NBEAL1: variants seen among roughly 807,000 people sequenced by gnomAD.
The protein encoded by NBEAL1 is neurobeachin-like protein 1.
A neutral mutation model predicts 351.3 loss-of-function variants in NBEAL1; 273 were observed. The observed-to-expected ratio is 0.78, with a 90% CI of 0.70 to 0.86. The LOEUF (loss-of-function observed/expected upper bound fraction) is 0.86. Among genes scored for constraint, NBEAL1 ranks in the 40% least tolerant of loss-of-function variants. The pLI is 0.00. For synonymous variants in NBEAL1, 1,050 were observed against 1,086.4 expected (o/e 0.97, Z 0.66); for missense variants, 2,961 against 3,201.3 (o/e 0.92, Z 1.81).
rs1423596266 is a variant in NBEAL1, at chr2:203,097,586, G to A, written c.1138G>A (p.Glu380Lys). 9.1e-6 allele frequency: 9 copies of A among 985,546 alleles called. No individual in the cohort carries two copies. The highest frequency in any genetic ancestry group is 3.5e-5 in the African/African-American group (2 of 57,222). 61.1% of individuals were successfully genotyped at this position (985,546 alleles called of 1,614,324 possible). A position where few individuals can be genotyped will look rare whatever the true frequency, so the allele number is the denominator to read the frequency against. Residue 380 changes from glutamate (E) to lysine (K), a missense_variant, in exon 11 of 56, where the codon GAG (glutamate) becomes AAG (lysine). Physicochemically the swap from Glu to Lys is moderately conservative, Grantham distance 56. Transcript: ENST00000683969. Reference protein sequence around the residue: ...NANNKVADKNEKDLANKLLTE... With the variant: ...NANNKVADKNKKDLANKLLTE... ...TAACAATAAGGTGGCAGACAAGAAC[G>A]AGAAAGACCTTGCCAACAAATTACT...
chr2:203,154,077 C>T (rs1006633555), intron 35 of NBEAL1, among the ~76,000 whole-genome samples: 1 of 151,684 alleles, frequency 6.6e-6, no homozygotes, highest in Admixed American at 6.6e-5. Flanking sequence ...AACCCTGTCT[C>T]TACAAAAAAT....
chr2:203,140,992 T>A (rs12615537), intron 31 of NBEAL1, among the ~76,000 whole-genome samples: 137,779 of 151,980 alleles, frequency 0.91, 62,976 homozygotes, highest in Non-Finnish European at 0.96. Flanking sequence ...ATAAATAAAT[T>A]AATTAATTAA....
rs756287939 is a variant in NBEAL1, at chr2:203,112,035, C to CTA, written c.2143_2144dup (p.Tyr716SerfsTer18). 1 of 1,552,398 alleles carries CTA rather than the reference C, an allele frequency of 6.4e-7. No individual in the cohort carries two copies. Among genetic ancestry groups the CTA allele is most frequent in the South Asian group, 1.2e-5 (1 of 84,028 alleles). On this transcript the variant is annotated frameshift_variant, in exon 16 of 56. Coordinates refer to ENST00000683969, the MANE Select transcript of NBEAL1 (RefSeq NM_001378026.1). LOFTEE classifies it high-confidence loss of function. ...AAAGGCCTTTTGGTCAGAGCTTCGTCTATATCTATGACAATGGACAACAGA... is the reference window on the plus strand; with the variant it reads ...AAAGGCCTTTTGGTCAGAGCTTCGTCTATATATCTATGACAATGGACAACAGA...
At chr2:203,185,583 G>C (rs1302157123) in intron 44 of NBEAL1, among the ~76,000 whole-genome samples, 1 of 152,170 alleles carries the variant, frequency 6.6e-6, no homozygotes, top group Non-Finnish European at 1.5e-5. Context: ...CAGTGGGTTG[G>C]CTGGCCTCAA....
At chr2:203,107,008 G>A (rs947025623) in intron 12 of NBEAL1, among the ~76,000 whole-genome samples, 3 of 152,046 alleles carry the variant, frequency 2.0e-5, no homozygotes, top group African/African-American at 7.2e-5. Flanking sequence ...CTCTTTAATT[G>A]GGTCTTTTTA....
chr2:203,021,204 A>C lies in NBEAL1; in HGVS notation c.51+4769A>C, dbSNP rs572952965. Among the ~76,000 whole-genome samples, 77 of 149,528 alleles carry C rather than the reference A, an allele frequency of 5.1e-4. 1 individual carries two copies. Among genetic ancestry groups the C allele is most frequent in the South Asian group, 3.6e-3 (17 of 4,672 alleles). Reference sequence around the variant, plus strand: ...ACCATGTTGGCCGGGCTGGTCTTGAACTCCTGACCTCAGGCGATCCACCCT... The same window carrying C: ...ACCATGTTGGCCGGGCTGGTCTTGACCTCCTGACCTCAGGCGATCCACCCT... On this transcript the variant is annotated intron_variant, in intron 2 of 55. Transcript: ENST00000683969.
At chr2:203,167,991 A>G (rs1452019004) in intron 38 of NBEAL1, among the ~76,000 whole-genome samples, 1 of 152,198 alleles carries the variant, frequency 6.6e-6, no homozygotes, top group Non-Finnish European at 1.5e-5. Context: ...TGCTTTTCAG[A>G]AGACTCACAT....
chr2:203,102,398 G>T (rs1219173646), intron 12 of NBEAL1, among the ~76,000 whole-genome samples: 1 of 152,144 alleles, frequency 6.6e-6, no homozygotes, highest in African/African-American at 2.4e-5. Flanking sequence ...GGCTTTCAAG[G>T]GGAATGCTTC....
At chr2:203,121,453 G>C (rs922114225) in intron 18 of NBEAL1, among the ~76,000 whole-genome samples, 1 of 152,046 alleles carries the variant, frequency 6.6e-6, no homozygotes, top group Non-Finnish European at 1.5e-5. Flanking sequence ...AGGAGTTCGA[G>C]ACCAGCCTGG....
At position 203,042,920 on chromosome 2, in the gene NBEAL1, A is replaced by G. The variant is rs115404475; in HGVS notation, c.143+1064A>G. Among the ~76,000 whole-genome samples, 573 of 152,204 alleles carry G rather than the reference A, an allele frequency of 3.8e-3. 8 individuals carry two copies. The highest frequency in any genetic ancestry group is 0.013 in the African/African-American group (537 of 41,556). ...GTCTTTCTGATAGGAGCAGCCTTCT[A>G]TTGAAACTAAGGGCTTACCTTGAGT... On this transcript the variant is annotated intron_variant, in intron 3 of 55. Coordinates refer to ENST00000683969, the MANE Select transcript of NBEAL1 (RefSeq NM_001378026.1).
intron 55 of NBEAL1, among the ~76,000 whole-genome samples, chr2:203,214,171 A>G (rs1338628097): frequency 1.3e-5 from 2 of 152,220 alleles, no homozygotes; most frequent in African/African-American, 4.8e-5. Context: ...CATAAATCTA[A>G]CTCTCACTCT....
chr2:203,159,761 A>G (rs1214401461), intron 36 of NBEAL1, among the ~76,000 whole-genome samples: 1 of 152,126 alleles, frequency 6.6e-6, no homozygotes, highest in Admixed American at 6.6e-5. Context: ...TGAGGAGTAT[A>G]ATAGTTAGAT....
chr2:203,126,942 T>C lies in NBEAL1; in HGVS notation c.3248+16T>C. The C allele has an allele frequency of 6.8e-7, 1 of 1,478,942 alleles. No individual in the cohort carries two copies. Among genetic ancestry groups the C allele is most frequent in the Non-Finnish European group, 9.2e-7 (1 of 1,083,486 alleles). The allele number at this position is 1,478,942 out of a possible 1,614,324, so 91.6% of individuals were successfully genotyped here. A position where few individuals can be genotyped will look rare whatever the true frequency, so the allele number is the denominator to read the frequency against. On this transcript the variant is annotated intron_variant, in intron 23 of 55. Transcript: ENST00000683969. ...TTTATTATGGGTATGATGCCCTTGT[T>C]CTTTCTCAGTTTGATATATTATTTT...
chr2:203,217,366 AT>A lies in NBEAL1; in HGVS notation c.*16del. 1 of 1,560,684 alleles carries A rather than the reference AT, an allele frequency of 6.4e-7. No individual in the cohort carries two copies. Among genetic ancestry groups the A allele is most frequent in the Non-Finnish European group, 8.7e-7 (1 of 1,153,814 alleles). The stretch of plus-strand genomic sequence containing the variant: ...AAGATTCCAAGTGATTGTTATTTCC[AT>A]TTTCTGTTATGATTACTGAAACCTG... On this transcript the variant is annotated 3_prime_UTR_variant, in exon 56 of 56. Coordinates refer to ENST00000683969, the MANE Select transcript of NBEAL1 (RefSeq NM_001378026.1).
Position 203,108,126 on chromosome 2 carries a change from A to G in NBEAL1, c.1887A>G (p.Leu629=), listed in dbSNP as rs2062477273. 1 of 1,552,096 alleles carries G rather than the reference A, an allele frequency of 6.4e-7. No individual in the cohort carries two copies. ...SAFSFSAWFC[L]DQDQLTLGIA... ...TTTCTTTCAGTGCTTGGTTTTGCTTAGACCAGGATCAGTTGACTCTTGGCA... is the reference window on the plus strand; with the variant it reads ...TTTCTTTCAGTGCTTGGTTTTGCTTGGACCAGGATCAGTTGACTCTTGGCA... Residue 629 remains leucine (L), a synonymous_variant, in exon 14 of 56, where the codon TTA becomes TTG. Transcript: ENST00000683969.
At position 203,099,659 on chromosome 2, in the gene NBEAL1, A is replaced by G. The variant is rs2062267330; in HGVS notation, c.1216A>G (p.Ile406Val). Residue 406 changes from isoleucine (I) to valine (V), a missense_variant, in exon 12 of 56, where the codon ATA (isoleucine) becomes GTA (valine). Transcript: ENST00000683969. The stretch of plus-strand genomic sequence containing the variant: ...TCAGGGACAATTGGATTGTTTGGCC[A>G]TATCAACCATTCAGGCTTTGACCGC... ...VFQGQLDCLA[I>V]STIQALTAVM... The G allele has an allele frequency of 1.3e-6, 2 of 1,551,794 alleles. No homozygotes were observed. Among genetic ancestry groups the G allele is most frequent in the Admixed American group, 2.0e-5 (1 of 50,852 alleles).
intron 36 of NBEAL1, among the ~76,000 whole-genome samples, chr2:203,158,817 T>TG (rs2063866770): frequency 7.3e-6 from 1 of 137,052 alleles, no homozygotes; most frequent in Non-Finnish European, 1.6e-5. Flanking sequence ...TCTGTAGGGT[T>TG]TTTTTTTTTT....
intron 12 of NBEAL1, among the ~76,000 whole-genome samples, chr2:203,106,379 C>T (rs1045390772): frequency 6.6e-6 from 1 of 152,126 alleles, no homozygotes; most frequent in Non-Finnish European, 1.5e-5. Flanking sequence ...TAACTTTTGC[C>T]TTAGAAATGT....
intron 10 of NBEAL1, among the ~76,000 whole-genome samples, chr2:203,091,062 A>G (rs1272652930): frequency 6.6e-6 from 1 of 152,206 alleles, no homozygotes; most frequent in Non-Finnish European, 1.5e-5. Flanking sequence ...AAATACATTT[A>G]CATTATTGTG....
Sources: gnomAD v4.1 joint callset for allele counts (sites outside exome capture counted in the v4.1 genomes callset) on GRCh38, gnomAD v4.1.1 for gene constraint, MANE v1.5 for transcripts, NCBI Gene and HGNC (gene_info 2026-07-23, HGNC 2026-07-21) for gene names.